Variants in NDST4 observed in about 807,000 individuals in gnomAD.
The protein encoded by NDST4 is N-heparan sulfate sulfotransferase 4.
Under a neutral mutation model 100.8 loss-of-function variants are expected in NDST4, and 63 were observed. That is an observed-to-expected ratio of 0.62 (90% confidence interval 0.51 to 0.77). The LOEUF (loss-of-function observed/expected upper bound fraction) is 0.77, where lower values mean the gene tolerates loss of function less well. Ranked by LOEUF, NDST4 falls within the 30% of genes least tolerant of loss-of-function variation. The pLI is 0.00. For synonymous variants in NDST4, 377 were observed against 361.8 expected (o/e 1.04, Z -0.48); for missense variants, 943 against 1,018.4 (o/e 0.93, Z 1.01).
intron 6 of NDST4, among the ~76,000 whole-genome samples, chr4:114,925,572 A>G (rs953708533): frequency 1.3e-5 from 2 of 152,168 alleles, no homozygotes; most frequent in Non-Finnish European, 2.9e-5. Context: ...GGTATATGAA[A>G]GTTCAGCAGA....
intron 6 of NDST4, among the ~76,000 whole-genome samples, chr4:114,912,567 G>T (rs1228910318): frequency 6.6e-6 from 1 of 152,114 alleles, no homozygotes; most frequent in Non-Finnish European, 1.5e-5. Flanking sequence ...AAAGCAAGGA[G>T]GAAGACGGTA....
chr4:115,084,800 A>C (rs72667320), intron 1 of NDST4, among the ~76,000 whole-genome samples: 3,578 of 152,240 alleles, frequency 0.024, 51 homozygotes, highest in Middle Eastern at 0.065. Flanking sequence ...GTCCAGGCAA[A>C]AGTTTGATGC....
rs532780417 is a variant in NDST4 at position 114,979,850 on chromosome 4, G to GA, written c.979-2577dup. On this transcript the variant is annotated intron_variant, in intron 2 of 13. Coordinates refer to ENST00000264363, the MANE Select transcript of NDST4 (RefSeq NM_022569.3). ...TTCTATAAGTAAAAACAAAACGAATGAAAAAAAAGCAAATCTTAAAAAGTT... is the reference window on the plus strand; with the variant it reads ...TTCTATAAGTAAAAACAAAACGAATGAAAAAAAAAGCAAATCTTAAAAAGTT... Among the ~76,000 whole-genome samples, 642 of 151,532 alleles carry GA rather than the reference G, an allele frequency of 4.2e-3. 11 individuals carry two copies. Among genetic ancestry groups the GA allele is most frequent in the Middle Eastern group, 0.017 (5 of 294 alleles).
At chr4:114,844,465 A>G (rs544803083) in intron 10 of NDST4, among the ~76,000 whole-genome samples, 11 of 152,166 alleles carry the variant, frequency 7.2e-5, no homozygotes, top group Middle Eastern at 3.2e-3. Flanking sequence ...TAAATGTGCC[A>G]TGATTCTTTA....
In NDST4 at chr4:115,052,981, C is replaced by T. The variant is rs113734696; in HGVS notation, c.978+23078G>A. Among the ~76,000 whole-genome samples the T allele has an allele frequency of 6.6e-3, 1,000 of 152,228 alleles. 20 individuals carry two copies. The highest frequency in any genetic ancestry group is 0.023 in the African/African-American group (949 of 41,548). On this transcript the variant is annotated intron_variant, in intron 2 of 13. Coordinates refer to ENST00000264363, the MANE Select transcript of NDST4 (RefSeq NM_022569.3). The stretch of plus-strand genomic sequence containing the variant: ...CCACGTTAAAGGGAAAATAACAATA[C>T]TTTTTTCTCAAAATTTTATTTATTC...
intron 5 of NDST4, among the ~76,000 whole-genome samples, chr4:114,936,604 T>G (rs1208551075): frequency 6.6e-6 from 1 of 152,218 alleles, no homozygotes; most frequent in South Asian, 2.1e-4. Context: ...TAGGTATACT[T>G]GTTTTAAAAT....
chr4:114,866,846 G>T (rs1483958677), intron 7 of NDST4, among the ~76,000 whole-genome samples: 1 of 152,156 alleles, frequency 6.6e-6, no homozygotes, highest in Non-Finnish European at 1.5e-5. Context: ...ATTTTCTTTT[G>T]ATTATGTAAG....
At chr4:114,975,899 T>G (rs6820993) in intron 3 of NDST4, among the ~76,000 whole-genome samples, 64,075 of 151,922 alleles carry the variant, frequency 0.42, 15,732 homozygotes, top group Non-Finnish European at 0.58. Context: ...CCATGTCTAT[T>G]TTCAAAATTG....
At chr4:115,056,342 C>G (rs1360211474) in intron 2 of NDST4, among the ~76,000 whole-genome samples, 2 of 152,004 alleles carry the variant, frequency 1.3e-5, no homozygotes, top group Admixed American at 1.3e-4. Flanking sequence ...GACCCTGTCT[C>G]AAAAACATTT....
intron 1 of NDST4, among the ~76,000 whole-genome samples, chr4:115,087,638 AT>A (rs569459019): frequency 3.3e-5 from 5 of 151,586 alleles, no homozygotes; most frequent in South Asian, 2.1e-4. Flanking sequence ...TCCTATCTTG[AT>A]TTTTTTTCAC....
At chr4:114,892,674 A>T (rs1408928057) in intron 6 of NDST4, among the ~76,000 whole-genome samples, 1 of 152,032 alleles carries the variant, frequency 6.6e-6, no homozygotes, top group Non-Finnish European at 1.5e-5. Context: ...GGGCCCAAGA[A>T]GGAACTGTAT....
chr4:114,829,720 GTT>G, intron 13 of NDST4, 68 bp downstream of exon 13: 1 of 1,099,466 alleles, frequency 9.1e-7, no homozygotes, highest in Non-Finnish European at 1.3e-6. Flanking sequence ...CAAATTTCTT[GTT>G]ACTAGTTTTG....
chr4:115,064,166 T>C (rs1315871573), intron 2 of NDST4, among the ~76,000 whole-genome samples: 1 of 152,000 alleles, frequency 6.6e-6, no homozygotes, highest in Admixed American at 6.6e-5. Context: ...AGGCCTTGTT[T>C]TGAAAAGTAT....
intron 2 of NDST4, among the ~76,000 whole-genome samples, chr4:114,997,191 C>T (rs1727183554): frequency 6.6e-6 from 1 of 152,014 alleles, no homozygotes; most frequent in South Asian, 2.1e-4. Flanking sequence ...TCCACCAAAG[C>T]CCTATTGCAA....
At chr4:114,984,022 C>T (rs931163117) in intron 2 of NDST4, among the ~76,000 whole-genome samples, 5 of 152,118 alleles carry the variant, frequency 3.3e-5, no homozygotes, top group African/African-American at 4.8e-5. Flanking sequence ...TGCTTTCCAC[C>T]ATGATTTTAA....
At chr4:114,984,443 A>C (rs927536697) in intron 2 of NDST4, among the ~76,000 whole-genome samples, 2 of 152,056 alleles carry the variant, frequency 1.3e-5, no homozygotes, top group Non-Finnish European at 2.9e-5. Flanking sequence ...TGCTGGGATT[A>C]CAGGCATGAG....
At position 114,881,005 on chromosome 4, in the gene NDST4, G is replaced by A. The variant is rs73850718; in HGVS notation, c.1537-10055C>T. The stretch of plus-strand genomic sequence containing the variant: ...ACACAGTGCCTTCTAGAAACTAAAA[G>A]TTATACAATGTGGTTCATGAAAGGA... On this transcript the variant is annotated intron_variant, in intron 6 of 13. Coordinates refer to ENST00000264363, the MANE Select transcript of NDST4 (RefSeq NM_022569.3). Among the ~76,000 whole-genome samples the A allele has an allele frequency of 8.4e-3, 1,284 of 152,188 alleles. 18 individuals carry two copies. The highest frequency in any genetic ancestry group is 0.029 in the African/African-American group (1,194 of 41,544).
chr4:115,049,742 C>A (rs1189525386), intron 2 of NDST4, among the ~76,000 whole-genome samples: 4 of 151,886 alleles, frequency 2.6e-5, no homozygotes, highest in Non-Finnish European at 5.9e-5. Flanking sequence ...TGATGAGGGC[C>A]AGTGAGGTAA....
chr4:115,028,424 C>T (rs550912757), intron 2 of NDST4, among the ~76,000 whole-genome samples: 7 of 152,202 alleles, frequency 4.6e-5, no homozygotes, highest in Admixed American at 1.3e-4. Context: ...GATACTTTAA[C>T]ATACATGTGA....
Sources: allele counts gnomAD v4.1 joint callset (sites outside exome capture counted in the v4.1 genomes callset), GRCh38; gene constraint gnomAD v4.1.1; transcripts MANE v1.5; gene names NCBI Gene and HGNC (gene_info 2026-07-23, HGNC 2026-07-21).